UBE4A: variants seen among roughly 807,000 people sequenced by gnomAD.
UBE4A encodes the protein ubiquitination factor E4A.
Under a neutral mutation model 117.9 loss-of-function variants are expected in UBE4A, and 48 were observed. That is an observed-to-expected ratio of 0.41 (90% CI 0.32 to 0.52). The LOEUF (loss-of-function observed/expected upper bound fraction) is 0.52. UBE4A is among the 20% of genes least tolerant of loss of function. UBE4A has a pLI of 0.33. For synonymous variants in UBE4A, 407 were observed against 450.0 expected (o/e 0.90, Z 1.21); for missense variants, 1,067 against 1,296.3 (o/e 0.82, Z 2.72).
In UBE4A at chr11:118,372,831, G is replaced by A. The variant is rs569387709; in HGVS notation, c.721+165G>A. 84 of 1,097,290 alleles carry A rather than the reference G, an allele frequency of 7.7e-5. No homozygotes were observed. In the South Asian group the frequency reaches 1.2e-3, roughly 15 times the overall value. 68.0% of individuals were successfully genotyped at this position (1,097,290 alleles called of 1,614,324 possible). On this transcript the variant is annotated intron_variant, in intron 6 of 19. Transcript: ENST00000252108. Reference sequence around the variant, plus strand: ...GTTGAGTACCAATAGAATAAAGCTGGGCATGGTAGCACACCCCTGTAGTCC... The same window carrying A: ...GTTGAGTACCAATAGAATAAAGCTGAGCATGGTAGCACACCCCTGTAGTCC...
chr11:118,386,494 T>A lies in UBE4A; in HGVS notation c.2469T>A (p.Ser823Arg). ...QIEKDRGEWD[S>R]LTPEARREKE... ...AGAAGGATCGAGGTGAATGGGATAG[T>A]CTGACTCCAGAAGCCCGCCGAGAAA... Residue 823 changes from serine (S) to arginine (R), a missense_variant, in exon 16 of 20, where the codon AGT (serine) becomes AGA (arginine). This residue lies in a region of UBE4A where 1,001 missense variants were observed against 1,184.0 expected (regional missense o/e 0.85). Transcript: ENST00000252108. 6.2e-7 allele frequency: 1 copy of A among 1,610,470 alleles called. No homozygotes were observed. The highest frequency in any genetic ancestry group is 1.1e-5 in the South Asian group (1 of 90,648).
intron 15 of UBE4A, 22 bp downstream of exon 15, chr11:118,384,967 AAGAT>A (rs2134104965): frequency 7.2e-7 from 1 of 1,394,576 alleles, no homozygotes; most frequent in Non-Finnish European, 9.9e-7. Flanking sequence ...AAAAAAAAAA[AAGAT>A]TTAACTTCTC....
chr11:118,373,400 G>C, intron 7 of UBE4A, 94 bp from the exon 8 acceptor site: 1 of 1,522,848 alleles, frequency 6.6e-7, no homozygotes, highest in Non-Finnish European at 8.9e-7. Flanking sequence ...AGATAGCTTG[G>C]TTGTTGTATC....
Position 118,374,950 on chromosome 11 carries a change from C to G in UBE4A, c.1171C>G (p.Leu391Val). ...IYQMLKNLLQ[L>V]SPETKHCILS... ...CCAGATGCTGAAGAACTTACTCCAG[C>G]TCTCTCCAGAAACCAAACACTGTAT... The change falls in exon 9 of 20, where the codon CTC becomes GTC. Residue 391 changes from leucine (L) to valine (V), a missense_variant. By Grantham distance (32) the Leu-to-Val change is conservative. Around this residue, in one of 3 missense-constraint regions of UBE4A, gnomAD observed 1,001 missense variants for 1,184.0 expected, o/e 0.85. Coordinates refer to ENST00000252108, the MANE Select transcript of UBE4A (RefSeq NM_001204077.2). The G allele has an allele frequency of 6.3e-7, 1 of 1,577,146 alleles. No homozygotes were observed. The highest frequency in any genetic ancestry group is 8.6e-7 in the Non-Finnish European group (1 of 1,158,852).
At chr11:118,392,713 T>C (rs782506967) in intron 18 of UBE4A, 25 bp from the exon 19 acceptor site, 3 of 1,607,356 alleles carry the variant, frequency 1.9e-6, no homozygotes, top group Non-Finnish European at 2.5e-6. Context: ...GAATTCACTT[T>C]AACTACCAGA....
chr11:118,370,243 C>T (rs1307959275), intron 4 of UBE4A, among the ~76,000 whole-genome samples: 1 of 152,140 alleles, frequency 6.6e-6, no homozygotes, highest in African/African-American at 2.4e-5. Context: ...GTCTTATCTC[C>T]CCTATTAGAC....
intron 2 of UBE4A, 87 bp downstream of exon 2, chr11:118,365,288 T>C: frequency 7.0e-7 from 1 of 1,430,930 alleles, no homozygotes; most frequent in Non-Finnish European, 9.2e-7. Context: ...TTAATTGCAA[T>C]TGGAATTTAA....
intron 9 of UBE4A, among the ~76,000 whole-genome samples, chr11:118,376,321 A>G (rs1219269400): frequency 6.6e-6 from 1 of 152,244 alleles, no homozygotes; most frequent in Non-Finnish European, 1.5e-5. Context: ...AAATAAATAC[A>G]AATGATCTAT....
chr11:118,383,919 A>G (rs1231798439), intron 13 of UBE4A, among the ~76,000 whole-genome samples: 2 of 152,332 alleles, frequency 1.3e-5, no homozygotes, highest in East Asian at 1.9e-4. Context: ...TTTATAATAC[A>G]TAAGAAATTG....
At chr11:118,380,134 C>CGTGT (rs55892936) in intron 11 of UBE4A, among the ~76,000 whole-genome samples, 2,718 of 136,954 alleles carry the variant, frequency 0.02, 44 homozygotes, top group Middle Eastern at 0.037. Flanking sequence ...TGTGTGTGTG[C>CGTGT]GTGTGTGTGT....
intron 15 of UBE4A, among the ~76,000 whole-genome samples, 183 bp downstream of exon 15, chr11:118,385,128 A>G (rs1948744647): frequency 6.6e-6 from 1 of 152,166 alleles, no homozygotes; most frequent in South Asian, 2.1e-4. Flanking sequence ...TTTCTAGTTC[A>G]TTCCATTAGA....
chr11:118,393,876 A>G (rs1841249004), intron 19 of UBE4A, among the ~76,000 whole-genome samples: 1 of 152,112 alleles, frequency 6.6e-6, no homozygotes, highest in Non-Finnish European at 1.5e-5. Flanking sequence ...GATTATAGGC[A>G]TGAGCCACCT....
At chr11:118,361,439 T>C (rs897564616) in intron 1 of UBE4A, among the ~76,000 whole-genome samples, 1 of 152,210 alleles carries the variant, frequency 6.6e-6, no homozygotes, top group East Asian at 1.9e-4. Context: ...CTTTGGTAAG[T>C]CCATTGAACA....
At position 118,399,031 on chromosome 11, in the gene UBE4A, A is replaced by G. The variant is rs1555130351; in HGVS notation, c.*2591A>G. On this transcript the variant is annotated 3_prime_UTR_variant, in exon 20 of 20. Transcript: ENST00000252108. ...TTGATGTCATGTGAGGAAATAATGC[A>G]CATGCTCTAACTGCTCAACAGGAAA... 2.2e-6 allele frequency: 1 copy of G among 456,554 alleles called. No individual in the cohort carries two copies. Among genetic ancestry groups the G allele is most frequent in the African/African-American group, 2.0e-5 (1 of 50,090 alleles). 28.3% of individuals were successfully genotyped at this position (456,554 alleles called of 1,614,324 possible).
intron 13 of UBE4A, among the ~76,000 whole-genome samples, chr11:118,383,967 T>C (rs1173493085): frequency 1.3e-5 from 2 of 152,222 alleles, no homozygotes; most frequent in African/African-American, 4.8e-5. Context: ...TATGTGACCA[T>C]ACAACCAAAG....
chr11:118,364,048 G>C (rs1377027564), intron 1 of UBE4A, among the ~76,000 whole-genome samples: 2 of 152,132 alleles, frequency 1.3e-5, no homozygotes, highest in Non-Finnish European at 2.9e-5. Context: ...CCTTATAGCA[G>C]TTCAAGATCC....
intron 19 of UBE4A, among the ~76,000 whole-genome samples, chr11:118,395,520 CT>C (rs1948862621): frequency 6.6e-6 from 1 of 152,198 alleles, no homozygotes; most frequent in Non-Finnish European, 1.5e-5. Flanking sequence ...CATAAACCTT[CT>C]TATGTTTCAA....
chr11:118,365,696 C>G (rs1591293732), intron 2 of UBE4A, among the ~76,000 whole-genome samples: 1 of 152,176 alleles, frequency 6.6e-6, no homozygotes, highest in African/African-American at 2.4e-5. Context: ...AAAGGCCCTC[C>G]CAAGCAAAGT....
chr11:118,373,791 T>C (rs1278786494), intron 8 of UBE4A, 106 bp downstream of exon 8: 5 of 1,325,500 alleles, frequency 3.8e-6, no homozygotes, highest in Non-Finnish European at 1.0e-6. Flanking sequence ...AGCAAATTGA[T>C]CTAGTTGGCT....
Sources: gnomAD v4.1 joint callset for allele counts (sites outside exome capture counted in the v4.1 genomes callset) on GRCh38, gnomAD v4.1.1 for gene constraint, gnomAD v4.1.1 regional missense constraint, MANE v1.5 for transcripts, NCBI Gene and HGNC (gene_info 2026-07-23, HGNC 2026-07-21) for gene names.